The following TSNAX variants were observed in gnomAD, a reference collection of about 807,000 sequenced individuals.
TSNAX encodes translin associated factor X, also known as translin-associated protein X.
A neutral mutation model predicts 33.0 loss-of-function variants in TSNAX; 12 were observed. The ratio of observed to expected loss-of-function variants is 0.36; its 90% CI spans 0.23 to 0.59. The LOEUF is 0.59. TSNAX is among the 20% of genes least tolerant of loss of function. TSNAX has a pLI of 0.74. For synonymous variants in TSNAX, 110 were observed against 117.2 expected, an observed-to-expected ratio of 0.94 and a Z score of 0.40; for missense variants, 267 against 341.3, an observed-to-expected ratio of 0.78 and a Z score of 1.72.
intron 1 of TSNAX, 115 bp downstream of exon 1, chr1:231,528,941 G>T (rs1238733723): frequency 1.3e-5 from 18 of 1,387,862 alleles, no homozygotes; most frequent in Middle Eastern, 3.6e-4. Flanking sequence ...TTGTAGACTC[G>T]GGGGCGGCCC....
chr1:231,559,225 C>T (rs1374656276), intron 4 of TSNAX, among the ~76,000 whole-genome samples: 1 of 152,034 alleles, frequency 6.6e-6, no homozygotes, highest in Non-Finnish European at 1.5e-5. Context: ...GTTTCTTAAA[C>T]TAACAATAAT....
intron 1 of TSNAX, 91 bp from the exon 2 acceptor site, chr1:231,529,163 TG>T: frequency 7.6e-7 from 1 of 1,314,296 alleles, no homozygotes; most frequent in Non-Finnish European, 1.1e-6. Context: ...TGTGGGTATC[TG>T]GTTTTAAAGC....
chr1:231,556,163 G>A (rs1339566380), intron 4 of TSNAX, among the ~76,000 whole-genome samples: 2 of 152,256 alleles, frequency 1.3e-5, no homozygotes, highest in African/African-American at 2.4e-5. Flanking sequence ...GTAAAAAGTT[G>A]TTTTGTCCGT....
At chr1:231,559,604 A>G (rs1000480502) in intron 4 of TSNAX, among the ~76,000 whole-genome samples, 1 of 152,238 alleles carries the variant, frequency 6.6e-6, no homozygotes, top group Admixed American at 6.5e-5. Flanking sequence ...CTGGGATTAC[A>G]GGTGTGAGCC....
At chr1:231,563,290 G>T (rs558780233) in intron 5 of TSNAX, among the ~76,000 whole-genome samples, 27 of 152,338 alleles carry the variant, frequency 1.8e-4, no homozygotes, top group Admixed American at 8.5e-4. Flanking sequence ...CTACCAGAAA[G>T]AATTCAGTAG....
intron 4 of TSNAX, among the ~76,000 whole-genome samples, chr1:231,551,720 C>A (rs982642292): frequency 6.7e-6 from 1 of 150,128 alleles, no homozygotes; most frequent in Non-Finnish European, 1.5e-5. Context: ...GTAATCCCAG[C>A]ACTTTGGGAG....
rs151205537 is a variant in TSNAX, at chr1:231,563,216, G to A, written c.496-1312G>A. ...CCCACTACCTAAAATGTCCTTTGAT[G>A]TAACTGCAACTTCACCTACCCTTTT... On this transcript the variant is annotated intron_variant, in intron 5 of 5. Coordinates refer to ENST00000366639, the MANE Select transcript of TSNAX (RefSeq NM_005999.3). Among the ~76,000 whole-genome samples the A allele has an allele frequency of 2.6e-3, 398 of 152,276 alleles. 1 individual carries two copies. The highest frequency in any genetic ancestry group is 9.1e-3 in the African/African-American group (378 of 41,570).
chr1:231,547,616 C>T (rs1660014461), intron 4 of TSNAX, among the ~76,000 whole-genome samples: 1 of 151,784 alleles, frequency 6.6e-6, no homozygotes, highest in Non-Finnish European at 1.5e-5. Flanking sequence ...GTCTCAAACT[C>T]CTGACCTCAA....
At chr1:231,548,096 G>A (rs958737385) in intron 4 of TSNAX, among the ~76,000 whole-genome samples, 3 of 152,116 alleles carry the variant, frequency 2.0e-5, no homozygotes, top group African/African-American at 7.2e-5. Context: ...GCCTCCCAAA[G>A]TGCTGGGATT....
intron 4 of TSNAX, among the ~76,000 whole-genome samples, chr1:231,548,282 C>T (rs114373960): frequency 0.019 from 2,870 of 152,274 alleles, 92 homozygotes; most frequent in African/African-American, 0.065. Flanking sequence ...TGTATAAACC[C>T]TACTATGTAA....
rs5781656 is a variant in TSNAX at position 231,553,682 on chromosome 1, CTTTTTTT to C, written c.368-7435_368-7429del. On this transcript the variant is annotated intron_variant, in intron 4 of 5. Transcript: ENST00000366639. ...GCATGAAACCTAATTTCTTTCTTTC[CTTTTTTT>C]TTTTTTTTTTCTTTGAGATGGAGTT... Among the ~76,000 whole-genome samples, 43 of 133,724 alleles carry C rather than the reference CTTTTTTT, an allele frequency of 3.2e-4. 1 individual carries two copies. The highest frequency in any genetic ancestry group is 1.0e-3 in the African/African-American group (36 of 35,568). The allele number at this position is 133,724 out of a possible 152,430, so 87.7% of individuals were successfully genotyped here.
At chr1:231,550,537 GC>G (rs1247616326) in intron 4 of TSNAX, among the ~76,000 whole-genome samples, 2 of 152,196 alleles carry the variant, frequency 1.3e-5, no homozygotes, top group Non-Finnish European at 2.9e-5. Context: ...TTGAGGCATG[GC>G]CCCCTGGTGG....
At chr1:231,529,947 G>C (rs182417436) in intron 2 of TSNAX, among the ~76,000 whole-genome samples, 1 of 152,334 alleles carries the variant, frequency 6.6e-6, no homozygotes, top group African/African-American at 2.4e-5. Context: ...AAGGAATCTG[G>C]GAAGGGCTTA....
At chr1:231,552,562 A>G (rs112079874) in intron 4 of TSNAX, among the ~76,000 whole-genome samples, 2,406 of 152,350 alleles carry the variant, frequency 0.016, 69 homozygotes, top group African/African-American at 0.055. Context: ...GTACCAGAGA[A>G]ATAGTTACAA....
chr1:231,541,635 C>G (rs1371293459), intron 3 of TSNAX, among the ~76,000 whole-genome samples: 1 of 152,062 alleles, frequency 6.6e-6, no homozygotes, highest in Non-Finnish European at 1.5e-5. Flanking sequence ...AATGTTCATT[C>G]CTTTGTGTAT....
chr1:231,551,680 G>C (rs537214314), intron 4 of TSNAX, among the ~76,000 whole-genome samples: 1 of 151,338 alleles, frequency 6.6e-6, no homozygotes, highest in Admixed American at 6.6e-5. Context: ...TAAAAACCCT[G>C]CCTAGGGCTG....
intron 4 of TSNAX, among the ~76,000 whole-genome samples, chr1:231,551,110 C>T (rs1660267039): frequency 6.6e-6 from 1 of 151,980 alleles, no homozygotes; most frequent in Non-Finnish European, 1.5e-5. Context: ...ACTTTATATT[C>T]CTGTTAAAAT....
chr1:231,549,083 C>T (rs1415677088), intron 4 of TSNAX, among the ~76,000 whole-genome samples: 2 of 152,132 alleles, frequency 1.3e-5, no homozygotes, highest in Non-Finnish European at 1.5e-5. Context: ...TGCTCAGTCA[C>T]TTCCATTTTC....
intron 2 of TSNAX, among the ~76,000 whole-genome samples, chr1:231,532,159 C>CACACACACACAT (rs1553265098): frequency 5.6e-5 from 5 of 89,350 alleles, no homozygotes; most frequent in African/African-American, 1.9e-4. Context: ...CACACACACA[C>CACACACACACAT]ACACACACAC....
Sources: gnomAD v4.1 joint callset for allele counts (sites outside exome capture counted in the v4.1 genomes callset) on GRCh38, gnomAD v4.1.1 for gene constraint, MANE v1.5 for transcripts, NCBI Gene and HGNC (gene_info 2026-07-23, HGNC 2026-07-21) for gene names.